The following SLC9B2 variants were observed in gnomAD, a reference collection of about 807,000 sequenced individuals.
SLC9B2 encodes sodium/hydrogen exchanger 9B2.
Under a neutral mutation model 52.2 loss-of-function variants are expected in SLC9B2, and 39 were observed. That is an observed-to-expected ratio of 0.75 (90% CI 0.58 to 0.98). SLC9B2 has a LOEUF of 0.98. SLC9B2 is among the 50% of genes least tolerant of loss of function. The pLI, the probability that SLC9B2 is intolerant of heterozygous loss-of-function variation, is 0.00. For missense variants in SLC9B2, 626 were observed against 637.5 expected (o/e 0.98, Z 0.19); for synonymous variants, 214 against 227.0 (o/e 0.94, Z 0.51).
chr4:103,046,000 T>G (rs1180363903), intron 7 of SLC9B2, among the ~76,000 whole-genome samples: 1 of 152,158 alleles, frequency 6.6e-6, no homozygotes, highest in Non-Finnish European at 1.5e-5. Context: ...GAGAGCATCC[T>G]CAAAGGTTCT....
intron 7 of SLC9B2, among the ~76,000 whole-genome samples, chr4:103,045,323 A>T (rs1017662379): frequency 6.6e-6 from 1 of 152,196 alleles, no homozygotes; most frequent in African/African-American, 2.4e-5. Flanking sequence ...TATTATGGCA[A>T]TCATTCTTCT....
At chr4:103,018,433 T>C (rs905288834), downstream of SLC9B2, among the ~76,000 whole-genome samples, 3 of 152,192 alleles carry the variant, frequency 2.0e-5, no homozygotes, top group African/African-American at 7.2e-5. Flanking sequence ...CAGGGGACAA[T>C]ACCTATGAAT....
intron 8 of SLC9B2, among the ~76,000 whole-genome samples, chr4:103,044,031 T>C (rs1743879037): frequency 6.6e-6 from 1 of 152,178 alleles, no homozygotes; most frequent in South Asian, 2.1e-4. Flanking sequence ...GTACTTTTTT[T>C]CCCTTTACTT....
At chr4:103,031,851 G>T in intron 9 of SLC9B2, 43 bp from the exon 10 acceptor site, 1 of 1,551,794 alleles carries the variant, frequency 6.4e-7, no homozygotes, top group Non-Finnish European at 8.9e-7. Context: ...ATTATGTGAA[G>T]TTACAAATGC....
downstream of SLC9B2, chr4:103,019,537 G>C (rs189327253): frequency 1.0e-6 from 1 of 975,492 alleles, no homozygotes; most frequent in Non-Finnish European, 1.2e-6. Flanking sequence ...AAACGATCGC[G>C]GCAGACCCGG....
rs1245913551 is a variant in SLC9B2 at position 103,026,370 on chromosome 4, CT to C, written c.1613del (p.Ter538=). On this transcript the variant is annotated frameshift_variant and stop_lost, in exon 12 of 12. Transcript: ENST00000394785. ...EVQGETSVQV[*>X] ...TGTTCAGCACTCTCTCTTTTCACCT[CT>C]AAACTTGCACAGAAGTCTCTCCTTG... The C allele has an allele frequency of 6.2e-7, 1 of 1,607,772 alleles. No individual in the cohort carries two copies. The highest frequency in any genetic ancestry group is 1.7e-5 in the Admixed American group (1 of 59,310).
At chr4:103,035,541 G>A (rs1035115351) in intron 9 of SLC9B2, among the ~76,000 whole-genome samples, 15 of 152,098 alleles carry the variant, frequency 9.9e-5, no homozygotes, top group African/African-American at 3.6e-4. Context: ...GTCTTTAGGT[G>A]TTTGAGTAAT....
intron 1 of SLC9B2, among the ~76,000 whole-genome samples, chr4:103,070,897 C>G (rs72665028): frequency 0.011 from 1,683 of 152,108 alleles, 17 homozygotes; most frequent in Non-Finnish European, 0.019. Flanking sequence ...ATGAAAAAGA[C>G]AGCAATCTAA....
intron 1 of SLC9B2, among the ~76,000 whole-genome samples, chr4:103,071,592 T>C (rs939045692): frequency 2.0e-5 from 3 of 152,104 alleles, no homozygotes; most frequent in African/African-American, 7.2e-5. Flanking sequence ...TTGGCCAGGA[T>C]GGTCTCGATC....
At chr4:103,029,013 GT>G in intron 10 of SLC9B2, 130 bp from the exon 11 acceptor site, 3 of 751,514 alleles carry the variant, frequency 4.0e-6, no homozygotes, top group Non-Finnish European at 6.0e-6. Flanking sequence ...ATACAAAAAT[GT>G]TTAGGAAGAA....
At chr4:103,036,338 C>T (rs1743170653) in intron 9 of SLC9B2, among the ~76,000 whole-genome samples, 1 of 152,000 alleles carries the variant, frequency 6.6e-6, no homozygotes, top group African/African-American at 2.4e-5. Flanking sequence ...CACAGGGACA[C>T]AAAGAAGGGC....
intron 1 of SLC9B2, among the ~76,000 whole-genome samples, chr4:103,071,386 T>A (rs1276609765): frequency 6.7e-6 from 1 of 149,944 alleles, no homozygotes; most frequent in Non-Finnish European, 1.5e-5. Context: ...GTATTTTTTT[T>A]TTTTTTTTTT....
chr4:103,051,054 G>C (rs1201969988), intron 4 of SLC9B2, among the ~76,000 whole-genome samples: 3 of 152,178 alleles, frequency 2.0e-5, no homozygotes, highest in Non-Finnish European at 2.9e-5. Context: ...AAGGCATGAG[G>C]GGGATGTTAC....
At chr4:103,049,486 G>GA (rs918871877) in intron 5 of SLC9B2, among the ~76,000 whole-genome samples, 11 of 151,886 alleles carry the variant, frequency 7.2e-5, no homozygotes, top group East Asian at 1.9e-4. Context: ...AAACATACAT[G>GA]AAAAAAAAGC....
At chr4:103,020,732 G>A (rs894407997), downstream of SLC9B2, among the ~76,000 whole-genome samples, 9 of 152,184 alleles carry the variant, frequency 5.9e-5, no homozygotes, top group South Asian at 4.1e-4. Flanking sequence ...CTCCTCCTTG[G>A]TTCAAGCGAT....
intron 9 of SLC9B2, among the ~76,000 whole-genome samples, chr4:103,040,098 CAT>C (rs1743508619): frequency 6.6e-6 from 1 of 152,114 alleles, no homozygotes; most frequent in South Asian, 2.1e-4. Flanking sequence ...GAATAAATAA[CAT>C]ATATCTCACT....
chr4:103,060,100 T>G (rs1445108076), intron 3 of SLC9B2, among the ~76,000 whole-genome samples: 4 of 152,068 alleles, frequency 2.6e-5, no homozygotes, highest in Non-Finnish European at 4.4e-5. Context: ...GTGACTTCCT[T>G]TTGTTTTGCT....
intron 3 of SLC9B2, among the ~76,000 whole-genome samples, chr4:103,062,925 A>C (rs1465105301): frequency 6.6e-6 from 1 of 152,172 alleles, no homozygotes; most frequent in Non-Finnish European, 1.5e-5. Flanking sequence ...TTTAAGAAGA[A>C]TACTGATATA....
At chr4:103,057,244 GTATATATATATATATA>G (rs56742547) in intron 4 of SLC9B2, among the ~76,000 whole-genome samples, 2 of 137,228 alleles carry the variant, frequency 1.5e-5, no homozygotes, top group African/African-American at 2.7e-5. Flanking sequence ...TTAATTTTAA[GTATATATATATATATA>G]TATATATATA....
Sources: allele counts gnomAD v4.1 joint callset (sites outside exome capture counted in the v4.1 genomes callset), GRCh38; gene constraint gnomAD v4.1.1; transcripts MANE v1.5; gene names NCBI Gene and HGNC (gene_info 2026-07-23, HGNC 2026-07-21).